Variants in PIGA observed in about 807,000 individuals in gnomAD.
PIGA encodes phosphatidylinositol N-acetylglucosaminyltransferase subunit A.
Under a neutral mutation model 17.1 loss-of-function variants are expected in PIGA, and 3 were observed. That is an observed-to-expected ratio of 0.18 (90% CI 0.08 to 0.45). PIGA has a LOEUF of 0.45. Among genes scored for constraint, PIGA ranks in the 20% least tolerant of loss-of-function variants. PIGA has a pLI of 0.99. For synonymous variants in PIGA, 126 were observed against 135.1 expected (o/e 0.93, Z 0.47); for missense variants, 231 against 374.1 (o/e 0.62, Z 3.16).
chrX:15,323,839 AC>A (rs1395461024), intron 5 of PIGA, among the ~76,000 whole-genome samples: 2 of 111,529 alleles, frequency 1.8e-5, no homozygotes, highest in East Asian at 5.6e-4. Flanking sequence ...CTAAACTACT[AC>A]CTTCTCCATG....
At position 15,325,095 on chromosome X, in the gene PIGA, T is replaced by C; in HGVS notation, c.906A>G (p.Gly302=). The C allele has an allele frequency of 8.3e-7, 1 of 1,205,340 alleles. No individual in the cohort carries two copies. The highest frequency in any genetic ancestry group is 1.1e-6 in the Non-Finnish European group (1 of 891,623). ...HKDVRNVLVQ[G]HIFLNTSLTE... ...TAAGGGAGGTATTCAGAAAAATATG[T>C]CCTTGAACTAAGACATTTCTAACAT... The change falls in exon 4 of 6, where the codon GGA becomes GGG. Residue 302 remains glycine, a synonymous_variant. Transcript: ENST00000333590.
At chrX:15,327,240 C>T (rs1922009097) in intron 2 of PIGA, 1 of 97,795 alleles carries the variant, frequency 1.0e-5, no homozygotes, top group South Asian at 4.7e-4. Context: ...GCCTGGGAGA[C>T]AGAGCGAGAC....
intron 1 of PIGA, among the ~76,000 whole-genome samples, chrX:15,334,878 C>T (rs941929239): frequency 8.9e-6 from 1 of 112,053 alleles, no homozygotes; most frequent in African/African-American, 3.2e-5. Flanking sequence ...TAGTGAATAC[C>T]TCTCTCGTTT....
chrX:15,321,667 C>T lies in PIGA; in HGVS notation c.1294G>A (p.Ala432Thr), dbSNP rs1361394188. 8.3e-7 allele frequency: 1 copy of T among 1,209,647 alleles called. No individual in the cohort carries two copies. Among genetic ancestry groups the T allele is most frequent in the Admixed American group, 2.2e-5 (1 of 45,988 alleles). ...ATGAGGAAGAGGAAGTTGAAAACTG[C>T]CAACAAAGCAAAGATGTAGCCTGTT... ...PVTGYIFALL[A>T]VFNFLFLIFL... Residue 432 changes from alanine to threonine, a missense_variant, in exon 6 of 6, where the codon GCA (alanine) becomes ACA (threonine). By Grantham distance (58) the Ala-to-Thr change is moderately conservative (BLOSUM62 0). Coordinates refer to ENST00000333590, the MANE Select transcript of PIGA (RefSeq NM_002641.4).
chrX:15,325,387 C>T (rs914688751), intron 3 of PIGA: 1 of 251,529 alleles, frequency 4.0e-6, no homozygotes, highest in African/African-American at 2.8e-5. Context: ...ACATATCAAA[C>T]TTTATCTTCT....
Position 15,331,463 on chromosome X carries a change from A to C in PIGA, c.468T>G (p.Leu156=). 8.3e-7 allele frequency: 1 copy of C among 1,212,048 alleles called. No individual in the cohort carries two copies. The highest frequency in any genetic ancestry group is 1.1e-6 in the Non-Finnish European group (1 of 895,507). Residue 156 remains leucine, a synonymous_variant, in exon 2 of 6, where the codon CTT becomes CTG. Transcript: ENST00000333590. ...CCGAGCTGACATCAGCAAATCCAAAAAGGGAATGGTCCGTGAAGACTGTCT... is the reference window on the plus strand; with the variant it reads ...CCGAGCTGACATCAGCAAATCCAAACAGGGAATGGTCCGTGAAGACTGTCT... ...GLQTVFTDHS[L]FGFADVSSVL... is the part of the protein sequence containing the mutation.
At chrX:15,322,364 G>T (rs1921843641) in intron 5 of PIGA, among the ~76,000 whole-genome samples, 1 of 111,889 alleles carries the variant, frequency 8.9e-6, no homozygotes, top group Non-Finnish European at 1.9e-5. Context: ...GCATTTCATG[G>T]ATTTCAAATA....
chrX:15,324,614 G>T, intron 5 of PIGA, 51 bp downstream of exon 5: 1 of 945,189 alleles, frequency 1.1e-6, no homozygotes, highest in Non-Finnish European at 1.5e-6. Flanking sequence ...ATGTGTACGT[G>T]AAACATCAAG....
intron 1 of PIGA, among the ~76,000 whole-genome samples, chrX:15,334,185 CTTTTT>C (rs35688150): frequency 1.7e-3 from 104 of 62,916 alleles, no homozygotes; most frequent in African/African-American, 6.7e-3. Flanking sequence ...AATTCATCTA[CTTTTT>C]TTTTTTTTTT....
intron 5 of PIGA, among the ~76,000 whole-genome samples, chrX:15,323,629 G>GA (rs1042383854): frequency 5.4e-5 from 6 of 111,856 alleles, no homozygotes; most frequent in African/African-American, 2.0e-4. Flanking sequence ...TGTTTCAATG[G>GA]AAAATGTATA....
rs371466959 is a variant in PIGA, at chrX:15,331,405, A to C, written c.526T>G (p.Cys176Gly). ...ACACAAATGATGTGGTTTGTATCAC[A>C]AAGAGACACGGTTAGAAGCTTGTTT... is the stretch of plus-strand genomic sequence containing the variant. Reference protein sequence around the residue: ...LTNKLLTVSLCDTNHIICVSY... With the variant: ...LTNKLLTVSLGDTNHIICVSY... The change falls in exon 2 of 6, where the codon TGT becomes GGT. Residue 176 changes from cysteine to glycine, a missense_variant. By Grantham distance (159) the Cys-to-Gly change is radical (BLOSUM62 -3). Around this residue, in one of 5 missense-constraint regions of PIGA, gnomAD observed 83 missense variants for 190.1 expected, o/e 0.44. Coordinates refer to ENST00000333590, the MANE Select transcript of PIGA (RefSeq NM_002641.4). 4.1e-6 allele frequency: 5 copies of C among 1,209,470 alleles called. No homozygotes were observed. The highest frequency in any genetic ancestry group is 1.7e-5 in the African/African-American group (1 of 57,247).
intron 3 of PIGA, 72 bp from the exon 4 acceptor site, chrX:15,325,224 A>C: frequency 1.0e-6 from 1 of 964,262 alleles, no homozygotes; most frequent in Non-Finnish European, 1.4e-6. Flanking sequence ...TTTATAAACC[A>C]AGTCTGCTAT....
rs1355333504 is a variant in PIGA, at chrX:15,320,237, G to A, written c.*1269C>T. On this transcript the variant is annotated 3_prime_UTR_variant, in exon 6 of 6. Transcript: ENST00000333590. Reference sequence around the variant, plus strand: ...TCACAACACTGTCAGAATCTATGTAGTGCACCCACAAGTGCCTTATTGTTT... The same window carrying A: ...TCACAACACTGTCAGAATCTATGTAATGCACCCACAAGTGCCTTATTGTTT... 4 of 112,235 alleles carry A rather than the reference G, an allele frequency of 3.6e-5. No homozygotes were observed. The highest frequency in any genetic ancestry group is 7.5e-5 in the Non-Finnish European group (4 of 53,271). 9.2% of individuals were successfully genotyped at this position (112,235 alleles called of 1,213,427 possible).
At chrX:15,333,266 C>G (rs1194282011) in intron 1 of PIGA, among the ~76,000 whole-genome samples, 1 of 112,590 alleles carries the variant, frequency 8.9e-6, no homozygotes, top group Non-Finnish European at 1.9e-5. Context: ...GTTTTGCTAG[C>G]ATTACCTTTG....
At chrX:15,324,299 G>A (rs1196531033) in intron 5 of PIGA, among the ~76,000 whole-genome samples, 2 of 112,315 alleles carry the variant, frequency 1.8e-5, no homozygotes, top group Non-Finnish European at 3.8e-5. Flanking sequence ...GCAAAACCAT[G>A]CATTTCCTAA....
chrX:15,321,580 G>A lies in PIGA; in HGVS notation c.1381C>T (p.Arg461Trp), dbSNP rs752798208. The change falls in exon 6 of 6, where the codon CGG becomes TGG. Residue 461 changes from arginine (R) to tryptophan (W), a missense_variant. Arg to Trp is a moderately radical substitution (Grantham distance 101). Around this residue, in one of 5 missense-constraint regions of PIGA, gnomAD observed 88 missense variants for 100.5 expected, o/e 0.88. Transcript: ENST00000333590. ...GAATAGTTATTAGTCCAGGCACCCC[G>A]TGGCCCAGTGGCATCTATTGCAACA... ...IDVAIDATGP[R>W]GAWTNNYSHS... 89 of 1,198,244 alleles carry A rather than the reference G, an allele frequency of 7.4e-5. No individual in the cohort carries two copies. The highest frequency in any genetic ancestry group is 3.0e-4 in the South Asian group (17 of 56,610).
intron 2 of PIGA, among the ~76,000 whole-genome samples, chrX:15,329,871 G>A (rs1431875312): frequency 1.8e-5 from 2 of 111,296 alleles, no homozygotes; most frequent in Non-Finnish European, 3.8e-5. Context: ...GGATCACGAG[G>A]TCAGGAGTTT....
rs1040801000 is a variant in PIGA, at chrX:15,321,154, T to C, written c.*352A>G. On this transcript the variant is annotated 3_prime_UTR_variant, in exon 6 of 6. Coordinates refer to ENST00000333590, the MANE Select transcript of PIGA (RefSeq NM_002641.4). Reference sequence around the variant, plus strand: ...CTGGTGAGTGTCTAATGGTGTTACATTAAAAACTGGCCAAAAAATGCCCAG... The same window carrying C: ...CTGGTGAGTGTCTAATGGTGTTACACTAAAAACTGGCCAAAAAATGCCCAG... 3.3e-5 allele frequency: 5 copies of C among 149,747 alleles called. No individual in the cohort carries two copies. The highest frequency in any genetic ancestry group is 5.2e-5 in the Non-Finnish European group (4 of 76,731). The allele number at this position is 149,747 out of a possible 1,213,427, so 12.3% of individuals were successfully genotyped here. A position where few individuals can be genotyped will look rare whatever the true frequency, so the allele number is the denominator to read the frequency against.
At chrX:15,328,221 CCT>C (rs1486725954) in intron 2 of PIGA, 7 of 112,003 alleles carry the variant, frequency 6.2e-5, no homozygotes, top group Middle Eastern at 4.7e-3. Flanking sequence ...AGTTACTTAC[CCT>C]CTCTGAGACT....
Sources: gnomAD v4.1 joint callset for allele counts (sites outside exome capture counted in the v4.1 genomes callset) on GRCh38, gnomAD v4.1.1 for gene constraint, gnomAD v4.1.1 regional missense constraint, MANE v1.5 for transcripts, NCBI Gene and HGNC (gene_info 2026-07-23, HGNC 2026-07-21) for gene names.